The following RAPGEF2 variants were observed in gnomAD, a reference collection of about 807,000 sequenced individuals.
RAPGEF2 encodes Rap guanine nucleotide exchange factor 2, also known as PDZ domain containing guanine nucleotide exchange factor (GEF) 1.
Under a neutral mutation model 186.7 loss-of-function variants are expected in RAPGEF2, and 54 were observed. The observed-to-expected ratio is 0.29, with a 90% CI of 0.23 to 0.36. RAPGEF2 has a LOEUF of 0.36. RAPGEF2 is among the 10% of genes least tolerant of loss of function. The pLI, the probability that RAPGEF2 is intolerant of heterozygous loss-of-function variation, is 1.00. For synonymous variants in RAPGEF2, 712 were observed against 705.9 expected, an observed-to-expected ratio of 1.01 and a Z score of -0.14; for missense variants, 1,532 against 2,045.0, an observed-to-expected ratio of 0.75 and a Z score of 4.84.
At chr4:159,228,636 T>C (rs1280474338) in intron 4 of RAPGEF2, among the ~76,000 whole-genome samples, 5 of 152,176 alleles carry the variant, frequency 3.3e-5, no homozygotes, top group South Asian at 2.1e-4. Context: ...TTTAGAGATA[T>C]ATAGTGTGTA....
Position 159,345,294 on chromosome 4 carries a change from C to T in RAPGEF2, c.3467C>T (p.Thr1156Ile), listed in dbSNP as rs777527608. 2 of 1,614,134 alleles carry T rather than the reference C, an allele frequency of 1.2e-6. No individual in the cohort carries two copies. Among genetic ancestry groups the T allele is most frequent in the South Asian group, 2.2e-5 (2 of 91,082 alleles). Residue 1156 changes from threonine to isoleucine, a missense_variant, in exon 24 of 30, where the codon ACA (threonine) becomes ATA (isoleucine). Around this residue, in one of 4 missense-constraint regions of RAPGEF2, gnomAD observed 117 missense variants for 180.8 expected, o/e 0.65. Transcript: ENST00000691494. ...GAAATGGACGAGGAGAGTCTTCAGA[C>T]ATTATCTCTGCAGTGTGAGCCAGCA... Reference protein sequence around the residue: ...ELEMDEESLQTLSLQCEPATN... With the variant: ...ELEMDEESLQILSLQCEPATN...
intron 3 of RAPGEF2, among the ~76,000 whole-genome samples, chr4:159,205,808 T>C (rs750706529): frequency 1.3e-5 from 2 of 152,166 alleles, no homozygotes; most frequent in African/African-American, 2.4e-5. Flanking sequence ...TGTGAGCCAG[T>C]TAAACCTCTT....
intron 28 of RAPGEF2, among the ~76,000 whole-genome samples, chr4:159,355,077 A>T (rs1290328594): frequency 6.6e-6 from 1 of 152,198 alleles, no homozygotes; most frequent in Non-Finnish European, 1.5e-5. Context: ...CTTAGGTTGG[A>T]CTTTTTCAAG....
At chr4:159,127,598 T>C (rs965485045) in intron 1 of RAPGEF2, among the ~76,000 whole-genome samples, 2 of 152,182 alleles carry the variant, frequency 1.3e-5, no homozygotes, top group East Asian at 1.9e-4. Context: ...AGTGTACATA[T>C]CTCATTTTTA....
chr4:159,217,038 T>C (rs905217129), intron 4 of RAPGEF2, among the ~76,000 whole-genome samples: 3 of 152,034 alleles, frequency 2.0e-5, no homozygotes, highest in African/African-American at 7.2e-5. Context: ...CGTGATAAGT[T>C]AAGTGATTGC....
intron 1 of RAPGEF2, among the ~76,000 whole-genome samples, chr4:159,186,227 C>A (rs1310859973): frequency 3.3e-5 from 5 of 151,720 alleles, no homozygotes; most frequent in African/African-American, 1.2e-4. Flanking sequence ...AATTTATATC[C>A]ATTTTTAAGT....
intron 3 of RAPGEF2, among the ~76,000 whole-genome samples, chr4:159,204,322 A>G (rs996066002): frequency 9.2e-5 from 14 of 152,214 alleles, no homozygotes; most frequent in African/African-American, 3.1e-4. Flanking sequence ...AGTGGGATGT[A>G]GAGGGTAGAT....
intron 11 of RAPGEF2, chr4:159,327,570 T>C (rs1766096774): frequency 6.6e-6 from 1 of 151,692 alleles, no homozygotes; most frequent in Admixed American, 6.6e-5. Context: ...AGCAGGAGAA[T>C]CATTTGAACC....
chr4:159,308,082 CA>C (rs780667865), intron 8 of RAPGEF2, among the ~76,000 whole-genome samples: 2 of 152,188 alleles, frequency 1.3e-5, no homozygotes, highest in Non-Finnish European at 2.9e-5. Flanking sequence ...TGAGGAAATG[CA>C]GATGGTACTT....
intron 1 of RAPGEF2, among the ~76,000 whole-genome samples, chr4:159,108,441 G>A (rs1275993000): frequency 2.9e-5 from 4 of 139,294 alleles, no homozygotes; most frequent in Non-Finnish European, 6.1e-5. Context: ...TTTCTCTCAA[G>A]AAGGAACATA....
At chr4:159,351,663 C>A (rs1005207545) in intron 26 of RAPGEF2, among the ~76,000 whole-genome samples, 3 of 152,012 alleles carry the variant, frequency 2.0e-5, no homozygotes, top group Admixed American at 6.5e-5. Flanking sequence ...CAAGATAGGG[C>A]CGGGTGCAGT....
At chr4:159,305,339 C>A (rs188413286) in intron 8 of RAPGEF2, among the ~76,000 whole-genome samples, 1 of 152,108 alleles carries the variant, frequency 6.6e-6, no homozygotes, top group Non-Finnish European at 1.5e-5. Context: ...TCCTCACCAT[C>A]TGTTACTATT....
chr4:159,329,906 G>T lies in RAPGEF2; in HGVS notation c.1198G>T (p.Glu400Ter). The T allele has an allele frequency of 6.2e-7, 1 of 1,613,242 alleles. No individual in the cohort carries two copies. The highest frequency in any genetic ancestry group is 8.5e-7 in the Non-Finnish European group (1 of 1,179,540). ...QDYCRILNQV[E>*]KNMQKVEEEG... ...TTACTGCCGTATTCTCAATCAAGTA[G>T]AAAAGAACATGCAAAAAGTTGAAGA... The change falls in exon 12 of 30, where the codon GAA becomes TAA. Residue 400 changes from glutamate (E) to a stop codon, truncating the protein, a stop_gained. Coordinates refer to ENST00000691494, the MANE Select transcript of RAPGEF2 (RefSeq NM_001394067.2). LOFTEE classifies it high-confidence loss of function.
chr4:159,307,271 A>G (rs1212303845), intron 8 of RAPGEF2, among the ~76,000 whole-genome samples: 1 of 152,192 alleles, frequency 6.6e-6, no homozygotes, highest in Non-Finnish European at 1.5e-5. Context: ...TGAACAATTA[A>G]GAATACCATC....
intron 3 of RAPGEF2, among the ~76,000 whole-genome samples, chr4:159,196,472 G>A (rs1748665337): frequency 6.6e-6 from 1 of 152,118 alleles, no homozygotes; most frequent in African/African-American, 2.4e-5. Flanking sequence ...ATTTTATTAT[G>A]TTTATGTGCT....
chr4:159,135,860 A>G (rs559056789), intron 1 of RAPGEF2, among the ~76,000 whole-genome samples: 52 of 152,266 alleles, frequency 3.4e-4, no homozygotes, highest in Middle Eastern at 3.4e-3. Context: ...CGGCCTCCCA[A>G]AGTGCTGGGA....
chr4:159,222,141 A>T (rs1751607069), intron 4 of RAPGEF2, among the ~76,000 whole-genome samples: 1 of 152,166 alleles, frequency 6.6e-6, no homozygotes, highest in African/African-American at 2.4e-5. Flanking sequence ...TCATATTCCG[A>T]TGTGATACCT....
chr4:159,180,338 C>G (rs911413826), intron 1 of RAPGEF2, among the ~76,000 whole-genome samples: 5 of 151,984 alleles, frequency 3.3e-5, no homozygotes, highest in Admixed American at 3.3e-4. Context: ...CATAGTTTCT[C>G]TTTTTTTTCC....
chr4:159,217,482 A>G (rs1198451865), intron 4 of RAPGEF2, among the ~76,000 whole-genome samples: 1 of 152,202 alleles, frequency 6.6e-6, no homozygotes, highest in East Asian at 1.9e-4. Context: ...TGCATAGGAC[A>G]TGATTCCATT....
Sources: allele counts gnomAD v4.1 joint callset (sites outside exome capture counted in the v4.1 genomes callset), GRCh38; gene constraint gnomAD v4.1.1; regional missense constraint gnomAD v4.1.1; transcripts MANE v1.5; gene names NCBI Gene and HGNC (gene_info 2026-07-23, HGNC 2026-07-21).